The following TRIM42 variants were observed in gnomAD, a reference collection of about 807,000 sequenced individuals.
The protein encoded by TRIM42 is tripartite motif-containing protein 42.
A neutral mutation model predicts 64.9 loss-of-function variants in TRIM42; 59 were observed. That is an observed-to-expected ratio of 0.91 (90% CI 0.74 to 1.13). TRIM42 has a LOEUF of 1.13. Ranked by LOEUF, TRIM42 falls within the 50% of genes most tolerant of loss-of-function variation. TRIM42 has a pLI of 0.00. For synonymous variants in TRIM42, 354 were observed against 346.3 expected (o/e 1.02, Z -0.25); for missense variants, 878 against 929.5 (o/e 0.94, Z 0.72).
intron 1 of TRIM42, among the ~76,000 whole-genome samples, chr3:140,680,998 C>A (rs758384326): frequency 1.4e-4 from 22 of 152,214 alleles, no homozygotes; most frequent in Non-Finnish European, 2.8e-4. Context: ...GAGGAGATAG[C>A]AATAGCAGCA....
intron 1 of TRIM42, 86 bp downstream of exon 1, chr3:140,678,656 C>G: frequency 9.0e-7 from 1 of 1,111,680 alleles, no homozygotes; most frequent in Non-Finnish European, 1.3e-6. Flanking sequence ...CAGGGCAGGC[C>G]AGTGAGCCTC....
chr3:140,678,539 C>G lies in TRIM42; in HGVS notation c.310C>G (p.His104Asp). 1 of 1,613,900 alleles carries G rather than the reference C, an allele frequency of 6.2e-7. No homozygotes were observed. Among genetic ancestry groups the G allele is most frequent in the Non-Finnish European group, 8.5e-7 (1 of 1,179,878 alleles). ...RCCRNTIITF[H>D]KGRLRSIHTS... ...CTGCCGCAATACCATCATCACTTTC[C>G]ACAAGGGCCGCCTCAGGAGCATCCA... The change falls in exon 1 of 5, where the codon CAC becomes GAC. Residue 104 changes from histidine to aspartate, a missense_variant. By Grantham distance (81) the His-to-Asp change is moderately conservative (BLOSUM62 -1). Transcript: ENST00000286349.
At chr3:140,691,878 C>T (rs1988724277) in intron 4 of TRIM42, among the ~76,000 whole-genome samples, 1 of 151,756 alleles carries the variant, frequency 6.6e-6, no homozygotes, top group African/African-American at 2.4e-5. Context: ...ATAAAAATAC[C>T]AAGACTGCCT....
At chr3:140,699,671 C>T (rs1988949822) in intron 4 of TRIM42, among the ~76,000 whole-genome samples, 1 of 152,166 alleles carries the variant, frequency 6.6e-6, no homozygotes, top group Non-Finnish European at 1.5e-5. Flanking sequence ...CACCTCGTAA[C>T]ACCGTTCCAT....
intron 4 of TRIM42, among the ~76,000 whole-genome samples, chr3:140,691,977 G>A (rs1369737589): frequency 8.0e-5 from 12 of 149,838 alleles, no homozygotes; most frequent in Non-Finnish European, 1.0e-4. Flanking sequence ...AGAAGAAGAA[G>A]AAAAAAAAAA....
chr3:140,699,815 C>G (rs769912995), intron 4 of TRIM42, among the ~76,000 whole-genome samples: 2 of 152,140 alleles, frequency 1.3e-5, no homozygotes, highest in Non-Finnish European at 2.9e-5. Flanking sequence ...ATAATATGAC[C>G]TTTGCCTTGC....
At chr3:140,679,024 T>A (rs772928726) in intron 1 of TRIM42, among the ~76,000 whole-genome samples, 7 of 150,458 alleles carry the variant, frequency 4.7e-5, no homozygotes, top group Non-Finnish European at 1.0e-4. Flanking sequence ...ATCTTAACTT[T>A]AAAATGCTGT....
intron 4 of TRIM42, 117 bp downstream of exon 4, chr3:140,691,309 C>T (rs1988706839): frequency 3.4e-6 from 3 of 884,722 alleles, no homozygotes; most frequent in Non-Finnish European, 3.5e-6. Flanking sequence ...CCTCTAAGCA[C>T]AGAACATTTG....
At position 140,678,424 on chromosome 3, in the gene TRIM42, G is replaced by C. The variant is rs1436985711; in HGVS notation, c.195G>C (p.Trp65Cys). Residue 65 changes from tryptophan to cysteine, a missense_variant, in exon 1 of 5, where the codon TGG becomes TGC. Trp to Cys is a radical substitution (Grantham distance 215, BLOSUM62 -2). Coordinates refer to ENST00000286349, the MANE Select transcript of TRIM42 (RefSeq NM_152616.5). ...GTTCTGAGAGCCCCAACTGCCATTG[G>C]TGTTGCTGCTCTTGGGCCAATGATC... ...CTCSESPNCH[W>C]CCCSWANDPN... 1 of 1,614,164 alleles carries C rather than the reference G, an allele frequency of 6.2e-7. No homozygotes were observed. The highest frequency in any genetic ancestry group is 1.6e-4 in the Middle Eastern group (1 of 6,062).
At chr3:140,678,940 T>C (rs1177443719) in intron 1 of TRIM42, among the ~76,000 whole-genome samples, 1 of 152,150 alleles carries the variant, frequency 6.6e-6, no homozygotes, top group Non-Finnish European at 1.5e-5. Context: ...AAACTGATCC[T>C]TTGAGAAGTT....
At chr3:140,682,018 TCA>T (rs1412598814) in intron 1 of TRIM42, among the ~76,000 whole-genome samples, 4 of 152,124 alleles carry the variant, frequency 2.6e-5, no homozygotes, top group African/African-American at 9.7e-5. Context: ...TCCATCAAAG[TCA>T]CAGAGTGGCC....
Position 140,678,559 on chromosome 3 carries a change from C to T in TRIM42, c.330C>T (p.Ser110=). ...IITFHKGRLR[S]IHTSSKTALR... is the part of the protein sequence containing the mutation. ...CTTTCCACAAGGGCCGCCTCAGGAG[C>T]ATCCATACCTCGTAAGTGCCAGGCA... Residue 110 remains serine, a synonymous_variant, in exon 1 of 5, where the codon AGC becomes AGT. Transcript: ENST00000286349. 6.2e-7 allele frequency: 1 copy of T among 1,612,318 alleles called. No individual in the cohort carries two copies. Among genetic ancestry groups the T allele is most frequent in the Non-Finnish European group, 8.5e-7 (1 of 1,178,732 alleles).
At chr3:140,699,361 T>C (rs148721494) in intron 4 of TRIM42, among the ~76,000 whole-genome samples, 32 of 152,356 alleles carry the variant, frequency 2.1e-4, no homozygotes, top group African/African-American at 7.5e-4. Context: ...TGGGAAACTT[T>C]TTGCTCTTCT....
rs574747515 is a variant in TRIM42 at position 140,682,645 on chromosome 3, G to A, written c.525G>A (p.Lys175=). The A allele has an allele frequency of 1.8e-5, 29 of 1,613,814 alleles. 1 individual carries two copies. Among genetic ancestry groups the A allele is most frequent in the African/African-American group, 1.6e-4 (12 of 75,052 alleles). ...AGAAGTGCCTGCGGCAGCTGCAGAAGCACGCCGAGGTCACCGAGAACTTCT... is the reference window on the plus strand; with the variant it reads ...AGAAGTGCCTGCGGCAGCTGCAGAAACACGCCGAGGTCACCGAGAACTTCT... ...LCEKCLRQLQ[K]HAEVTENFFI... Residue 175 remains lysine (K), a synonymous_variant, in exon 2 of 5, where the codon AAG becomes AAA. Transcript: ENST00000286349.
Position 140,701,047 on chromosome 3 carries a change from AT to A in TRIM42, c.*78del, listed in dbSNP as rs1988987584. On this transcript the variant is annotated 3_prime_UTR_variant, in exon 5 of 5. Coordinates refer to ENST00000286349, the MANE Select transcript of TRIM42 (RefSeq NM_152616.5). ...TATACACACACATATATGTATGTAT[AT>A]TTTTCTCACCACATTCTTCAAGGAG... is the stretch of plus-strand genomic sequence containing the variant. 1.5e-6 allele frequency: 2 copies of A among 1,311,100 alleles called. No homozygotes were observed. Among genetic ancestry groups the A allele is most frequent in the African/African-American group, 3.0e-5 (2 of 67,314 alleles). 81.2% of individuals were successfully genotyped at this position (1,311,100 alleles called of 1,614,324 possible).
intron 2 of TRIM42, among the ~76,000 whole-genome samples, chr3:140,683,640 G>C (rs1243273340): frequency 1.3e-5 from 2 of 152,122 alleles, no homozygotes; most frequent in Non-Finnish European, 2.9e-5. Context: ...TGCAGGGGGA[G>C]ATAATTAAGT....
In TRIM42 at chr3:140,678,419, C is replaced by T; in HGVS notation, c.190C>T (p.His64Tyr). ...HCTCSESPNC[H>Y]WCCCSWANDP... ...CACCTGTTCTGAGAGCCCCAACTGC[C>T]ATTGGTGTTGCTGCTCTTGGGCCAA... is the stretch of plus-strand genomic sequence containing the variant. The change falls in exon 1 of 5, where the codon CAT becomes TAT. Residue 64 changes from histidine (H) to tyrosine (Y), a missense_variant. Transcript: ENST00000286349. 1 of 1,614,198 alleles carries T rather than the reference C, an allele frequency of 6.2e-7. No homozygotes were observed. The highest frequency in any genetic ancestry group is 8.5e-7 in the Non-Finnish European group (1 of 1,180,044).
intron 4 of TRIM42, among the ~76,000 whole-genome samples, chr3:140,697,530 A>T (rs1263454472): frequency 6.6e-6 from 1 of 152,182 alleles, no homozygotes; most frequent in Non-Finnish European, 1.5e-5. Context: ...TATCAAATGT[A>T]TGTATGTACT....
intron 2 of TRIM42, among the ~76,000 whole-genome samples, chr3:140,685,677 ACTCT>A (rs1988529613): frequency 6.6e-6 from 1 of 151,882 alleles, no homozygotes; most frequent in Non-Finnish European, 1.5e-5. Context: ...TTTTTTTAAC[ACTCT>A]CTCAGGTTAT....
Sources: allele counts gnomAD v4.1 joint callset (sites outside exome capture counted in the v4.1 genomes callset), GRCh38; gene constraint gnomAD v4.1.1; transcripts MANE v1.5; gene names NCBI Gene and HGNC (gene_info 2026-07-23, HGNC 2026-07-21).